The following DPP10 variants were observed in gnomAD, a reference collection of about 807,000 sequenced individuals.
DPP10 encodes inactive dipeptidyl peptidase 10.
In DPP10, 33 loss-of-function variants were observed where a neutral mutation model predicts 120.9. The observed-to-expected ratio is 0.27, with a 90% CI of 0.21 to 0.37. The LOEUF is 0.37. Among genes scored for constraint, DPP10 ranks in the 10% least tolerant of loss-of-function variants. DPP10 has a pLI of 1.00. For missense variants in DPP10, 816 were observed against 942.8 expected, an observed-to-expected ratio of 0.87 and a Z score of 1.76; for synonymous variants, 337 against 326.1, an observed-to-expected ratio of 1.03 and a Z score of -0.36.
chr2:114,768,424 T>C (rs904311015), intron 1 of DPP10, among the ~76,000 whole-genome samples: 1 of 152,206 alleles, frequency 6.6e-6, no homozygotes, highest in African/African-American at 2.4e-5. Context: ...TAATAATCTC[T>C]GTGTGAGGTT....
At chr2:115,736,838 C>G (rs759578216) in intron 8 of DPP10, among the ~76,000 whole-genome samples, 1 of 152,072 alleles carries the variant, frequency 6.6e-6, no homozygotes, top group African/African-American at 2.4e-5. Context: ...AAATTTTTCC[C>G]CTTTCTAGTA....
At chr2:115,560,403 A>T (rs12988561) in intron 5 of DPP10, among the ~76,000 whole-genome samples, 15 of 17,796 alleles carry the variant, frequency 8.4e-4, no homozygotes, top group Admixed American at 1.6e-3. Context: ...AAAAAAAAAA[A>T]ATATATATAT....
At chr2:115,608,264 C>T (rs1243473885) in intron 5 of DPP10, among the ~76,000 whole-genome samples, 1 of 151,954 alleles carries the variant, frequency 6.6e-6, no homozygotes, top group Non-Finnish European at 1.5e-5. Context: ...GTGGTGTGGG[C>T]CTATAATCCC....
chr2:115,725,262 C>A (rs2092737803), intron 7 of DPP10, among the ~76,000 whole-genome samples: 1 of 152,124 alleles, frequency 6.6e-6, no homozygotes, highest in Non-Finnish European at 1.5e-5. Context: ...CCTGGGGATA[C>A]TTGCAGCTCT....
At chr2:114,706,215 A>G (rs1175798996) in intron 1 of DPP10, among the ~76,000 whole-genome samples, 1 of 152,194 alleles carries the variant, frequency 6.6e-6, no homozygotes, top group African/African-American at 2.4e-5. Flanking sequence ...TTGGTTTAGA[A>G]TTATACAAGC....
chr2:115,159,689 TAAATC>T (rs1573827671), intron 1 of DPP10, among the ~76,000 whole-genome samples: 3 of 152,214 alleles, frequency 2.0e-5, no homozygotes, highest in Admixed American at 1.3e-4. Context: ...GACAAATACT[TAAATC>T]AAAGAAGCAT....
intron 1 of DPP10, among the ~76,000 whole-genome samples, chr2:114,506,368 G>A (rs1573517779): frequency 1.3e-5 from 2 of 152,236 alleles, no homozygotes; most frequent in African/African-American, 4.8e-5. Context: ...TTCCTGCTGA[G>A]AGCCACTTTC....
intron 21 of DPP10, among the ~76,000 whole-genome samples, chr2:115,818,428 TTAC>T (rs2150050698): frequency 6.6e-6 from 1 of 152,354 alleles, no homozygotes; most frequent in South Asian, 2.1e-4. Context: ...AATGCTCTGC[TTAC>T]TGTACACATA....
At chr2:114,475,141 G>A (rs774803632) in intron 1 of DPP10, among the ~76,000 whole-genome samples, 19 of 152,244 alleles carry the variant, frequency 1.2e-4, no homozygotes, top group Non-Finnish European at 1.9e-4. Flanking sequence ...AAGATCATCC[G>A]CACGGCACAG....
At chr2:115,242,515 G>A (rs1351460048) in intron 1 of DPP10, among the ~76,000 whole-genome samples, 2 of 151,976 alleles carry the variant, frequency 1.3e-5, no homozygotes, top group Non-Finnish European at 2.9e-5. Context: ...TTTTCCTCTG[G>A]GTAGATACCC....
At chr2:114,968,471 A>G (rs1018637010) in intron 1 of DPP10, among the ~76,000 whole-genome samples, 6 of 152,116 alleles carry the variant, frequency 3.9e-5, no homozygotes, top group African/African-American at 1.4e-4. Context: ...TTTATCTTTG[A>G]TGTCCAGCAT....
At chr2:115,183,851 G>A (rs1270149514) in intron 1 of DPP10, among the ~76,000 whole-genome samples, 23 of 152,112 alleles carry the variant, frequency 1.5e-4, no homozygotes, top group Admixed American at 1.4e-3. Context: ...ATTAGGAAGA[G>A]CAAGCAAGGA....
At chr2:114,930,608 C>T (rs933067132) in intron 1 of DPP10, among the ~76,000 whole-genome samples, 1 of 152,212 alleles carries the variant, frequency 6.6e-6, no homozygotes, top group Non-Finnish European at 1.5e-5. Flanking sequence ...ATTTTCATCA[C>T]AACCATTGTC....
intron 5 of DPP10, among the ~76,000 whole-genome samples, chr2:115,618,681 C>G (rs968195402): frequency 2.0e-5 from 3 of 152,096 alleles, no homozygotes; most frequent in Non-Finnish European, 4.4e-5. Flanking sequence ...GTGCTTATAC[C>G]TTTCTAGATT....
chr2:115,382,386 T>C (rs1389592183), intron 3 of DPP10, among the ~76,000 whole-genome samples: 36 of 152,256 alleles, frequency 2.4e-4, no homozygotes, highest in Middle Eastern at 3.4e-3. Flanking sequence ...TTGCACTTCC[T>C]GAGTGAGGCA....
chr2:114,803,062 C>G (rs1192978745), intron 1 of DPP10, among the ~76,000 whole-genome samples: 1 of 152,114 alleles, frequency 6.6e-6, no homozygotes. Context: ...GAGGGACTCA[C>G]GGGGAGGTAC....
intron 3 of DPP10, among the ~76,000 whole-genome samples, chr2:115,376,261 C>G (rs2106430565): frequency 6.6e-6 from 1 of 152,014 alleles, no homozygotes; most frequent in East Asian, 1.9e-4. Context: ...TAATATACAG[C>G]CTAGAATACG....
At chr2:114,811,019 G>A (rs1685125974) in intron 1 of DPP10, among the ~76,000 whole-genome samples, 1 of 152,142 alleles carries the variant, frequency 6.6e-6, no homozygotes, top group South Asian at 2.1e-4. Context: ...TCATCTCTGG[G>A]TCTCTCCTTT....
At chr2:114,667,835 A>G (rs777706132) in intron 1 of DPP10, among the ~76,000 whole-genome samples, 5 of 152,172 alleles carry the variant, frequency 3.3e-5, no homozygotes, top group Non-Finnish European at 7.3e-5. Flanking sequence ...GGTAAGTACA[A>G]ATCTGAAACA....
Sources: allele counts gnomAD v4.1 joint callset (sites outside exome capture counted in the v4.1 genomes callset), GRCh38; gene constraint gnomAD v4.1.1; transcripts MANE v1.5; gene names NCBI Gene and HGNC (gene_info 2026-07-23, HGNC 2026-07-21).